Variants in ZNF862 observed in about 807,000 individuals in gnomAD.
ZNF862 encodes zinc finger protein 862.
In ZNF862, 64 loss-of-function variants were observed where a neutral mutation model predicts 91.1. That is an observed-to-expected ratio of 0.70 (90% CI 0.57 to 0.87). The LOEUF is 0.87. ZNF862 is among the 40% of genes least tolerant of loss of function. ZNF862 has a pLI of 0.00. For synonymous variants in ZNF862, 631 were observed against 618.1 expected (o/e 1.02, Z -0.31); for missense variants, 1,459 against 1,528.0 (o/e 0.95, Z 0.75).
rs760282811 is a variant in ZNF862 at position 149,846,273 on chromosome 7, C to T, written c.241+18C>T. ...TCACCCAGGTGAGTGTGGAACTGCACTCAGGGGCAGATGCTTGGCTGGAGA... is the reference window on the plus strand; with the variant it reads ...TCACCCAGGTGAGTGTGGAACTGCATTCAGGGGCAGATGCTTGGCTGGAGA... On this transcript the variant is annotated intron_variant, in intron 3 of 7. Coordinates refer to ENST00000223210, the MANE Select transcript of ZNF862 (RefSeq NM_001099220.3). 1.0e-5 allele frequency: 16 copies of T among 1,594,284 alleles called. No individual in the cohort carries two copies. The African/African-American group carries it at 1.3e-4, about 13-fold the overall frequency.
intron 5 of ZNF862, among the ~76,000 whole-genome samples, chr7:149,853,319 T>C (rs1802132768): frequency 6.6e-6 from 1 of 152,198 alleles, no homozygotes; most frequent in Admixed American, 6.5e-5. Flanking sequence ...GCCAAACCAT[T>C]GTTATGGACT....
chr7:149,842,229 C>G (rs772628297), intron 1 of ZNF862, among the ~76,000 whole-genome samples: 2 of 152,136 alleles, frequency 1.3e-5, no homozygotes, highest in East Asian at 3.9e-4. Flanking sequence ...AGGAAAGGTG[C>G]GAGATAGGCT....
intron 2 of ZNF862, among the ~76,000 whole-genome samples, 156 bp from the exon 3 acceptor site, chr7:149,845,995 G>A (rs79028448): frequency 0.012 from 1,776 of 152,220 alleles, 13 homozygotes; most frequent in Non-Finnish European, 0.019. Flanking sequence ...GAACCACTGT[G>A]CTGAACCACC....
chr7:149,852,240 T>A (rs1213259467), intron 5 of ZNF862: 1 of 151,984 alleles, frequency 6.6e-6, no homozygotes, highest in African/African-American at 2.4e-5. Context: ...TTTCCCACAC[T>A]TTACCCTCCA....
At position 149,846,260 on chromosome 7, in the gene ZNF862, G is replaced by C. The variant is rs773816972; in HGVS notation, c.241+5G>C. ...GCCTTCTGGAGCATCACCCAGGTGAGTGTGGAACTGCACTCAGGGGCAGAT... is the reference window on the plus strand; with the variant it reads ...GCCTTCTGGAGCATCACCCAGGTGACTGTGGAACTGCACTCAGGGGCAGAT... On this transcript the variant is annotated splice_donor_5th_base_variant and intron_variant, in intron 3 of 7. Coordinates refer to ENST00000223210, the MANE Select transcript of ZNF862 (RefSeq NM_001099220.3). 3 of 1,609,958 alleles carry C rather than the reference G, an allele frequency of 1.9e-6. No homozygotes were observed.
intron 4 of ZNF862, among the ~76,000 whole-genome samples, chr7:149,848,683 A>C (rs1801962482): frequency 6.6e-6 from 1 of 152,264 alleles, no homozygotes; most frequent in Admixed American, 6.5e-5. Flanking sequence ...TTAGTGAGAT[A>C]GAACATTTCT....
In ZNF862 at chr7:149,860,984, G is replaced by C. The variant is rs368379031; in HGVS notation, c.1824G>C (p.Glu608Asp). 6.2e-7 allele frequency: 1 copy of C among 1,613,460 alleles called. No homozygotes were observed. Among genetic ancestry groups the C allele is most frequent in the African/African-American group, 1.3e-5 (1 of 75,054 alleles). ...CTCAGTTCATCAAGTACATCTCAGA[G>C]ACCCTGAAGAGGGAGATCCTGGAGG... is the stretch of plus-strand genomic sequence containing the variant. ...ACTQFIKYIS[E>D]TLKREILEDV... Residue 608 changes from glutamate to aspartate, a missense_variant, in exon 7 of 8, where the codon GAG becomes GAC. Glu to Asp is a conservative substitution (Grantham distance 45). Coordinates refer to ENST00000223210, the MANE Select transcript of ZNF862 (RefSeq NM_001099220.3).
intron 5 of ZNF862, 105 bp from the exon 6 acceptor site, chr7:149,859,317 A>C: frequency 9.4e-7 from 1 of 1,064,560 alleles, no homozygotes; most frequent in Non-Finnish European, 1.4e-6. Flanking sequence ...TAAGGACAGA[A>C]CCCAGAGACA....
In ZNF862 at chr7:149,855,414, A is replaced by G. The variant is rs1303462025; in HGVS notation, c.1118-4008A>G. Among the ~76,000 whole-genome samples the G allele has an allele frequency of 3.9e-5, 6 of 152,170 alleles. No individual in the cohort carries two copies. Among genetic ancestry groups the G allele is most frequent in the Admixed American group, 1.3e-4 (2 of 15,278 alleles). On this transcript the variant is annotated intron_variant, in intron 5 of 7. Coordinates refer to ENST00000223210, the MANE Select transcript of ZNF862 (RefSeq NM_001099220.3). This position sits in a 1 kb window ranked among gnomAD's most constrained non-coding sequence, Gnocchi z 4.1. ...CGGCTGTAGAATCTGGACCCATGCC[A>G]TAGGAAGAAAGGGGCTCCTCTTCTC...
intron 5 of ZNF862, among the ~76,000 whole-genome samples, chr7:149,853,461 A>G (rs192475855): frequency 6.6e-6 from 1 of 152,320 alleles, no homozygotes; most frequent in Non-Finnish European, 1.5e-5. Context: ...GAAGGGAACA[A>G]AAAGAAGAGG....
chr7:149,840,286 T>A (rs1801660102), intron 1 of ZNF862, among the ~76,000 whole-genome samples: 1 of 151,334 alleles, frequency 6.6e-6, no homozygotes, highest in African/African-American at 2.4e-5. Flanking sequence ...TGGAATGGTT[T>A]GCTGGAAAAT....
chr7:149,850,606 T>C lies in ZNF862; in HGVS notation c.1117+268T>C. On this transcript the variant is annotated intron_variant, in intron 5 of 7. Coordinates refer to ENST00000223210, the MANE Select transcript of ZNF862 (RefSeq NM_001099220.3). This position sits in a 1 kb window ranked among gnomAD's most constrained non-coding sequence, Gnocchi z 4.2. ...CCAGATGAACACAGCTGATCCATGG[T>C]CTCTGCTTTCAAGGGCCTAGCACGT... is the stretch of plus-strand genomic sequence containing the variant. 2.5e-6 allele frequency: 1 copy of C among 393,812 alleles called. No homozygotes were observed. Among genetic ancestry groups the C allele is most frequent in the Non-Finnish European group, 4.6e-6 (1 of 219,004 alleles). 24.4% of individuals were successfully genotyped at this position (393,812 alleles called of 1,614,324 possible).
At chr7:149,839,930 G>T (rs1309368127) in intron 1 of ZNF862, among the ~76,000 whole-genome samples, 1 of 152,116 alleles carries the variant, frequency 6.6e-6, no homozygotes, top group African/African-American at 2.4e-5. Context: ...ATTGATATTG[G>T]TATCAGTGAT....
intron 7 of ZNF862, among the ~76,000 whole-genome samples, chr7:149,862,903 C>T (rs529837297): frequency 6.6e-6 from 1 of 152,368 alleles, no homozygotes; most frequent in East Asian, 1.9e-4. Flanking sequence ...GTCAAGACCA[C>T]TGCTGGGAGT....
At position 149,838,400 on chromosome 7, in the gene ZNF862, T is replaced by G. The variant is rs192316954; in HGVS notation, c.-212T>G. ...AGTGACCGTAAAGCTGTTCGCTCGGTGCGACGCAAGTCTCAGCTCAGCGCG... is the reference window on the plus strand; with the variant it reads ...AGTGACCGTAAAGCTGTTCGCTCGGGGCGACGCAAGTCTCAGCTCAGCGCG... On this transcript the variant is annotated 5_prime_UTR_variant, in exon 1 of 8. Transcript: ENST00000223210. 2.1e-3 allele frequency: 850 copies of G among 396,970 alleles called. 1 individual carries two copies. The highest frequency in any genetic ancestry group is 4.4e-3 in the Middle Eastern group (7 of 1,602). 24.6% of individuals were successfully genotyped at this position (396,970 alleles called of 1,614,324 possible). A position where few individuals can be genotyped will look rare whatever the true frequency, so the allele number is the denominator to read the frequency against.
rs1802644496 is a variant in ZNF862, at chr7:149,864,482, C to T, written c.*198C>T. 1 of 579,478 alleles carries T rather than the reference C, an allele frequency of 1.7e-6. No individual in the cohort carries two copies. Among genetic ancestry groups the T allele is most frequent in the Non-Finnish European group, 3.1e-6 (1 of 327,836 alleles). The allele number at this position is 579,478 out of a possible 1,614,324, so 35.9% of individuals were successfully genotyped here. A position where few individuals can be genotyped will look rare whatever the true frequency, so the allele number is the denominator to read the frequency against. ...TTCCTGAGGCCCCACTCAGCACAGC[C>T]ATGCCTCACAGCACACAAATGTGCC... On this transcript the variant is annotated 3_prime_UTR_variant, in exon 8 of 8. Coordinates refer to ENST00000223210, the MANE Select transcript of ZNF862 (RefSeq NM_001099220.3).
rs947320123 is a variant in ZNF862 at position 149,848,466 on chromosome 7, G to C, written c.939+34G>C. ...TTTATAATGATTGCTGTATCTTACA[G>C]AGAAGGATTCTATACTGAGAACGAT... On this transcript the variant is annotated intron_variant, in intron 4 of 7. Transcript: ENST00000223210. The C allele has an allele frequency of 2.1e-6, 3 of 1,440,810 alleles. No individual in the cohort carries two copies. In the African/African-American group the frequency reaches 4.3e-5, roughly 21 times the overall value. 89.3% of individuals were successfully genotyped at this position (1,440,810 alleles called of 1,614,324 possible). A position where few individuals can be genotyped will look rare whatever the true frequency, so the allele number is the denominator to read the frequency against.
chr7:149,843,154 A>G (rs1041044196), intron 1 of ZNF862, among the ~76,000 whole-genome samples: 4 of 152,154 alleles, frequency 2.6e-5, no homozygotes, highest in Admixed American at 2.6e-4. Context: ...CTATTGTCCA[A>G]ATTTTCTGCA....
At chr7:149,841,567 C>T in intron 1 of ZNF862, 1 of 985,410 alleles carries the variant, frequency 1.0e-6, no homozygotes, top group Non-Finnish European at 1.2e-6. Context: ...GGAAGGAATG[C>T]TCATAAAATA....
Sources: gnomAD v4.1 joint callset for allele counts (sites outside exome capture counted in the v4.1 genomes callset) on GRCh38, gnomAD v4.1.1 for gene constraint, Gnocchi (gnomAD v3.1) non-coding constraint, MANE v1.5 for transcripts, NCBI Gene and HGNC (gene_info 2026-07-23, HGNC 2026-07-21) for gene names.